Variants in PVT1 observed in about 807,000 individuals in gnomAD.
PVT1 encodes the protein CXCR4/PVT1 fusion.
chr8:127,972,607 C>T (rs1031303757), intron 3 of PVT1, among the ~76,000 whole-genome samples: 1 of 152,056 alleles, frequency 6.6e-6, no homozygotes, highest in Non-Finnish European at 1.5e-5. Context: ...GGTGTGGTGG[C>T]AGGCACCTGT....
chr8:128,057,641 C>T (rs1316025571), intron 4 of PVT1, among the ~76,000 whole-genome samples: 1 of 152,232 alleles, frequency 6.6e-6, no homozygotes, highest in Non-Finnish European at 1.5e-5. Flanking sequence ...CTGCTCACTG[C>T]CTGTCTCTGT....
chr8:127,878,462 C>A (rs1435427725), intron 2 of PVT1, among the ~76,000 whole-genome samples: 1 of 152,196 alleles, frequency 6.6e-6, no homozygotes, highest in Non-Finnish European at 1.5e-5. Context: ...GATTTGGAAG[C>A]CTCAGAGCTA....
intron 3 of PVT1, among the ~76,000 whole-genome samples, chr8:127,913,899 G>A (rs895199587): frequency 5.9e-5 from 9 of 152,092 alleles, no homozygotes; most frequent in Admixed American, 5.2e-4. Flanking sequence ...AAGGGTTTGG[G>A]GCCACACACA....
chr8:127,997,080 G>C (rs1817115951), intron 4 of PVT1, among the ~76,000 whole-genome samples: 1 of 121,266 alleles, frequency 8.2e-6, no homozygotes, highest in Non-Finnish European at 1.6e-5. Flanking sequence ...TTGATACAGA[G>C]TTTCACTCTT....
intron 4 of PVT1, chr8:128,048,379 A>G (rs1289638316): frequency 1.3e-5 from 2 of 152,262 alleles, no homozygotes; most frequent in Non-Finnish European, 2.9e-5. Flanking sequence ...TCTCCTGGGT[A>G]CTATCCCTGG....
chr8:127,846,548 G>C (rs1563620403), intron 2 of PVT1, among the ~76,000 whole-genome samples: 2 of 152,202 alleles, frequency 1.3e-5, no homozygotes, highest in African/African-American at 2.4e-5. Flanking sequence ...ACTGGAGCCT[G>C]TGCCGTGTGT....
chr8:127,826,974 TTTTC>T (rs907951943), intron 2 of PVT1, among the ~76,000 whole-genome samples: 3 of 148,322 alleles, frequency 2.0e-5, no homozygotes, highest in Admixed American at 7.0e-5. Context: ...AGGGCTTTCT[TTTTC>T]TTTCTTTCTT....
chr8:127,988,597 G>C (rs1816995897), intron 3 of PVT1, among the ~76,000 whole-genome samples: 1 of 152,048 alleles, frequency 6.6e-6, no homozygotes, highest in Non-Finnish European at 1.5e-5. Flanking sequence ...ACATTTTTTT[G>C]TTTCCTGAAT....
intron 3 of PVT1, among the ~76,000 whole-genome samples, chr8:127,919,051 G>A (rs1322742190): frequency 6.6e-6 from 1 of 152,220 alleles, no homozygotes; most frequent in Non-Finnish European, 1.5e-5. Context: ...TCAGGTTGGT[G>A]AAGGCAGTGC....
intron 3 of PVT1, among the ~76,000 whole-genome samples, chr8:127,929,762 C>T (rs149466904): frequency 2.5e-4 from 37 of 149,976 alleles, no homozygotes; most frequent in South Asian, 2.1e-4. Flanking sequence ...AGCGAGACTC[C>T]GTCTCAAAAA....
chr8:127,995,588 G>T lies in PVT1; in HGVS notation n.912+6297G>T, dbSNP rs80317848. 5.3e-4 allele frequency among the ~76,000 whole-genome samples: 80 copies of T among 152,244 alleles called. 1 individual carries two copies. Among genetic ancestry groups the T allele is most frequent in the African/African-American group, 1.8e-3 (76 of 41,532 alleles). On this transcript the variant is annotated intron_variant and non_coding_transcript_variant, in intron 4 of 10. Transcript: ENST00000651587. Reference sequence around the variant, plus strand: ...ATTATAATAGATTCTATTAAGCACCGCTAATAAAGTACTATCCTTATAGTA... The same window carrying T: ...ATTATAATAGATTCTATTAAGCACCTCTAATAAAGTACTATCCTTATAGTA...
intron 2 of PVT1, among the ~76,000 whole-genome samples, chr8:127,880,748 G>A (rs1386930588): frequency 6.6e-6 from 1 of 152,032 alleles, no homozygotes; most frequent in East Asian, 1.9e-4. Context: ...CTATAGGCGT[G>A]CACCACCATG....
At chr8:128,022,121 T>C (rs1308154336) in intron 4 of PVT1, among the ~76,000 whole-genome samples, 2 of 152,194 alleles carry the variant, frequency 1.3e-5, no homozygotes, top group South Asian at 4.1e-4. Flanking sequence ...GTGTCAGCTC[T>C]GGACCCTGTT....
Position 128,029,950 on chromosome 8 carries a change from A to T in PVT1, n.913-40210A>T, listed in dbSNP as rs115954639. On this transcript the variant is annotated intron_variant and non_coding_transcript_variant, in intron 4 of 10. Transcript: ENST00000651587. Reference sequence around the variant, plus strand: ...AGAGTGACATCTTGTCTTTATAAAAATTTTTTTTAAAAAATTAGCTGGACA... The same window carrying T: ...AGAGTGACATCTTGTCTTTATAAAATTTTTTTTTAAAAAATTAGCTGGACA... Among the ~76,000 whole-genome samples the T allele has an allele frequency of 8.6e-3, 1,315 of 152,206 alleles. 21 individuals are homozygous for T. The highest frequency in any genetic ancestry group is 0.029 in the African/African-American group (1,224 of 41,512).
Position 127,996,169 on chromosome 8 carries a change from G to A in PVT1, n.912+6878G>A, listed in dbSNP as rs541775986. ...GGAGATAGGAAAAGCTCCTGATCCA[G>A]CAGGTTTTATTCTTAAATTTGTAAC... On this transcript the variant is annotated intron_variant and non_coding_transcript_variant, in intron 4 of 10. Transcript: ENST00000651587. 6.0e-4 allele frequency among the ~76,000 whole-genome samples: 91 copies of A among 152,216 alleles called. No homozygotes were observed. In the Middle Eastern group the frequency reaches 0.01, roughly 17 times the overall value.
chr8:127,913,620 A>T (rs939741850), intron 3 of PVT1, among the ~76,000 whole-genome samples: 2 of 152,118 alleles, frequency 1.3e-5, no homozygotes, highest in Admixed American at 1.3e-4. Flanking sequence ...AGAGCTCTTC[A>T]GTATGGAAGC....
chr8:127,951,326 C>G (rs960078605), intron 3 of PVT1, among the ~76,000 whole-genome samples: 2 of 152,196 alleles, frequency 1.3e-5, no homozygotes, highest in Admixed American at 6.5e-5. Flanking sequence ...GGCAAAGCTC[C>G]CTGCACAGCA....
intron 2 of PVT1, among the ~76,000 whole-genome samples, chr8:127,844,501 T>G (rs1170570873): frequency 6.6e-6 from 1 of 152,102 alleles, no homozygotes; most frequent in Admixed American, 6.5e-5. Flanking sequence ...CTTGTAACCT[T>G]TTAATCTTCT....
chr8:127,877,527 A>C (rs1815419305), intron 2 of PVT1, among the ~76,000 whole-genome samples: 1 of 152,206 alleles, frequency 6.6e-6, no homozygotes. Flanking sequence ...TAGACAACCC[A>C]GAAAAGCAGC....
Sources: gnomAD v4.1 joint callset for allele counts (sites outside exome capture counted in the v4.1 genomes callset) on GRCh38, gnomAD v4.1.1 for gene constraint, MANE v1.5 for transcripts, NCBI Gene and HGNC (gene_info 2026-07-23, HGNC 2026-07-21) for gene names.